Variants in FABP7 observed in about 807,000 individuals in gnomAD.
The protein encoded by FABP7 is fatty acid-binding protein, brain.
Under a neutral mutation model 14.2 loss-of-function variants are expected in FABP7, and 13 were observed. That is an observed-to-expected ratio of 0.91 (90% CI 0.59 to 1.45). The LOEUF is 1.45. FABP7 is among the 40% of genes most tolerant of loss of function. The probability of loss-of-function intolerance (pLI) is 0.00; values close to 1 mark genes in which losing one functional copy is unlikely to be tolerated. For missense variants in FABP7, 149 were observed against 157.6 expected, an observed-to-expected ratio of 0.95 and a Z score of 0.29; for synonymous variants, 49 against 51.4, an observed-to-expected ratio of 0.95 and a Z score of 0.20.
chr6:122,773,821 A>T, the FABP7 span, among the ~76,000 whole-genome samples: 1 of 152,166 alleles, frequency 6.6e-6, no homozygotes, highest in African/African-American at 2.4e-5. Context: ...ATTCAGCGTC[A>T]TGTGAAGATT....
At chr6:122,753,756 AT>A in the FABP7 span, among the ~76,000 whole-genome samples, 1 of 148,696 alleles carries the variant, frequency 6.7e-6, no homozygotes, top group Non-Finnish European at 1.5e-5. Context: ...AAGGGCCTGG[AT>A]ACAGAATCTT....
the FABP7 span, among the ~76,000 whole-genome samples, chr6:122,762,940 A>G: frequency 1.3e-5 from 2 of 152,244 alleles, no homozygotes; most frequent in Non-Finnish European, 2.9e-5. Flanking sequence ...AAGATGCTAT[A>G]TAGTGAAAAT....
chr6:122,757,050 T>C, the FABP7 span, among the ~76,000 whole-genome samples: 1 of 152,128 alleles, frequency 6.6e-6, no homozygotes, highest in African/African-American at 2.4e-5. Flanking sequence ...AATAATTTGG[T>C]CCCATGGCTT....
chr6:122,751,098 T>C, the FABP7 span, among the ~76,000 whole-genome samples: 2 of 152,358 alleles, frequency 1.3e-5, no homozygotes, highest in Non-Finnish European at 2.9e-5. Flanking sequence ...GCTTAAATTT[T>C]TTTCTTTGAG....
the FABP7 span, among the ~76,000 whole-genome samples, chr6:122,757,269 G>T: frequency 6.6e-6 from 1 of 152,048 alleles, no homozygotes; most frequent in Non-Finnish European, 1.5e-5. Flanking sequence ...AGTATGCTAA[G>T]TGGAATTACA....
the FABP7 span, among the ~76,000 whole-genome samples, chr6:122,762,781 C>T: frequency 4.0e-4 from 61 of 152,292 alleles, no homozygotes; most frequent in Middle Eastern, 3.4e-3. Context: ...TGAGTGAACT[C>T]CCATTCACAA....
chr6:122,780,327 C>T lies in FABP7; in HGVS notation c.110C>T (p.Thr37Ile). ...GFATRQVGNVTKPTVIISQEG... is the reference protein window; with the variant it reads ...GFATRQVGNVIKPTVIISQEG... The stretch of plus-strand genomic sequence containing the variant: ...GCCACTAGGCAGGTGGGAAATGTGA[C>T]CAAACCAACGGTAATTATCAGTCAA... The change falls in exon 2 of 4, where the codon ACC (threonine) becomes ATC (isoleucine). Residue 37 changes from threonine (T) to isoleucine (I), a missense_variant. Thr to Ile is a moderately conservative substitution (Grantham distance 89, BLOSUM62 -1). Transcript: ENST00000368444. 1 of 1,614,116 alleles carries T rather than the reference C, an allele frequency of 6.2e-7. No individual in the cohort carries two copies. The highest frequency in any genetic ancestry group is 8.5e-7 in the Non-Finnish European group (1 of 1,180,036).
chr6:122,757,848 GA>G, the FABP7 span, among the ~76,000 whole-genome samples: 1 of 152,048 alleles, frequency 6.6e-6, no homozygotes, highest in Non-Finnish European at 1.5e-5. Flanking sequence ...GGTACTAAAA[GA>G]AGAAAATATT....
At chr6:122,775,873 G>T (rs1780665227), upstream of FABP7, among the ~76,000 whole-genome samples, 1 of 151,862 alleles carries the variant, frequency 6.6e-6, no homozygotes, top group Admixed American at 6.6e-5. Context: ...TTATCTGATT[G>T]AAAATTAGCA....
intron 3 of FABP7, chr6:122,782,093 T>G (rs990817780): frequency 1.0e-6 from 1 of 985,316 alleles, no homozygotes; most frequent in Admixed American, 6.1e-5. Flanking sequence ...TCCAGTTTTT[T>G]TCTCGAATGC....
chr6:122,780,105 G>A (rs1366394279), intron 1 of FABP7, among the ~76,000 whole-genome samples, 186 bp from the exon 2 acceptor site: 1 of 152,156 alleles, frequency 6.6e-6, no homozygotes, highest in Non-Finnish European at 1.5e-5. Context: ...AAGCTTCTCT[G>A]ACTTTTTTGG....
chr6:122,774,743 C>T (rs1285169596), upstream of FABP7, among the ~76,000 whole-genome samples: 1 of 144,556 alleles, frequency 6.9e-6, no homozygotes, highest in Non-Finnish European at 1.5e-5. Context: ...GACATGATCT[C>T]ATATTTAGAA....
At chr6:122,770,029 GCTT>G in the FABP7 span, among the ~76,000 whole-genome samples, 3 of 152,000 alleles carry the variant, frequency 2.0e-5, no homozygotes, top group African/African-American at 7.2e-5. Flanking sequence ...CATATTGATA[GCTT>G]CTTCAACAAA....
At chr6:122,756,597 T>C in the FABP7 span, among the ~76,000 whole-genome samples, 1 of 152,174 alleles carries the variant, frequency 6.6e-6, no homozygotes, top group East Asian at 1.9e-4. Context: ...ATCCTCTCTA[T>C]CTAACTACTG....
At position 122,781,242 on chromosome 6, in the gene FABP7, G is replaced by A. The variant is rs756450604; in HGVS notation, c.348+48G>A. ...TCTTCCTTGTTTTTTTCTCCTCTCC[G>A]CACACCTCTCACCTCCTTCCTTCTT... On this transcript the variant is annotated intron_variant, in intron 3 of 3. Coordinates refer to ENST00000368444, the MANE Select transcript of FABP7 (RefSeq NM_001446.5). 2.3e-5 allele frequency: 37 copies of A among 1,594,928 alleles called. No individual in the cohort carries two copies. In the East Asian group the frequency reaches 2.5e-4, roughly 11 times the overall value.
At position 122,780,455 on chromosome 6, in the gene FABP7, A is replaced by C. The variant is rs767134465; in HGVS notation, c.238A>C (p.Asn80His). The C allele has an allele frequency of 6.2e-7, 1 of 1,611,006 alleles. No individual in the cohort carries two copies. The highest frequency in any genetic ancestry group is 8.5e-7 in the Non-Finnish European group (1 of 1,179,312). ...TGATGAAACCACTGCAGATGATAGA[A>C]ACTGTAAGGTGAGAAACTGCTTCTT... Reference protein sequence around the residue: ...EFDETTADDRNCKSVVSLDGD... With the variant: ...EFDETTADDRHCKSVVSLDGD... The change falls in exon 2 of 4, where the codon AAC becomes CAC. Residue 80 changes from asparagine to histidine, a missense_variant. Transcript: ENST00000368444.
chr6:122,761,859 A>G, the FABP7 span, among the ~76,000 whole-genome samples: 2 of 152,194 alleles, frequency 1.3e-5, no homozygotes, highest in African/African-American at 2.4e-5. Context: ...CTGTTTTTCA[A>G]GTTTTGAAAA....
the FABP7 span, among the ~76,000 whole-genome samples, chr6:122,773,450 A>C: frequency 3.3e-5 from 5 of 152,064 alleles, no homozygotes; most frequent in Non-Finnish European, 5.9e-5. Flanking sequence ...GTCACCTGTA[A>C]ATTCTTTTTG....
the FABP7 span, among the ~76,000 whole-genome samples, chr6:122,758,576 T>C: frequency 6.6e-6 from 1 of 152,076 alleles, no homozygotes; most frequent in East Asian, 1.9e-4. Context: ...ACAAAAAAAA[T>C]CGCTAAGAAA....
Sources: allele counts gnomAD v4.1 joint callset (sites outside exome capture counted in the v4.1 genomes callset), GRCh38; gene constraint gnomAD v4.1.1; transcripts MANE v1.5; gene names NCBI Gene and HGNC (gene_info 2026-07-23, HGNC 2026-07-21).